The following UACA variants were observed in gnomAD, a reference collection of about 807,000 sequenced individuals.
UACA encodes uveal autoantigen with coiled-coil domains and ankyrin repeats, also known as nuclear membrane binding protein.
A neutral mutation model predicts 160.5 loss-of-function variants in UACA; 112 were observed. The ratio of observed to expected loss-of-function variants is 0.70; its 90% CI spans 0.60 to 0.82. UACA has a LOEUF of 0.82. Ranked by LOEUF, UACA falls within the 40% of genes least tolerant of loss-of-function variation. The pLI is 0.00. For missense variants in UACA, 1,574 were observed against 1,614.6 expected (o/e 0.97, Z 0.43); for synonymous variants, 557 against 568.4 (o/e 0.98, Z 0.29).
chr15:70,663,084 A>C (rs890150222), intron 17 of UACA, among the ~76,000 whole-genome samples: 28 of 152,338 alleles, frequency 1.8e-4, no homozygotes, highest in African/African-American at 6.3e-4. Context: ...CAACCTACAG[A>C]ATGGGAGAAC....
chr15:70,755,265 C>T (rs1047530162), intron 1 of UACA, among the ~76,000 whole-genome samples: 2 of 151,986 alleles, frequency 1.3e-5, no homozygotes, highest in South Asian at 2.1e-4. Flanking sequence ...AACTTATAAA[C>T]TCACTAATAG....
intron 1 of UACA, among the ~76,000 whole-genome samples, chr15:70,722,097 T>G (rs1183624291): frequency 1.3e-5 from 2 of 152,194 alleles, no homozygotes; most frequent in African/African-American, 4.8e-5. Flanking sequence ...GAAAAATATT[T>G]CCCAGGCAAA....
intron 1 of UACA, among the ~76,000 whole-genome samples, chr15:70,762,823 C>G (rs887137102): frequency 6.6e-6 from 1 of 152,246 alleles, no homozygotes; most frequent in Non-Finnish European, 1.5e-5. Context: ...GGGCTTGACG[C>G]TGTCTCAGAC....
intron 3 of UACA, among the ~76,000 whole-genome samples, chr15:70,692,541 C>T (rs936315762): frequency 5.3e-5 from 8 of 152,122 alleles, no homozygotes; most frequent in African/African-American, 1.9e-4. Context: ...GAGGCCTAGG[C>T]AGGTGTATTG....
chr15:70,685,819 G>A (rs980447132), intron 7 of UACA, among the ~76,000 whole-genome samples: 1 of 151,568 alleles, frequency 6.6e-6, no homozygotes, highest in African/African-American at 2.4e-5. Context: ...GTCTCGCTCT[G>A]TTGCCAGCGC....
chr15:70,702,421 C>G, intron 1 of UACA: 1 of 588,410 alleles, frequency 1.7e-6, no homozygotes, highest in Non-Finnish European at 2.1e-6. Flanking sequence ...AAAGGAGCAG[C>G]TAAGAATATA....
chr15:70,665,063 G>A (rs1896856081), intron 16 of UACA: 3 of 303,018 alleles, frequency 9.9e-6, no homozygotes, highest in South Asian at 1.4e-4. Flanking sequence ...ATCCTAAGAT[G>A]TGAGTATAAA....
In UACA at chr15:70,705,598, C is replaced by G. The variant is rs1047629547; in HGVS notation, c.79-5938G>C. Among the ~76,000 whole-genome samples, 87 of 152,030 alleles carry G rather than the reference C, an allele frequency of 5.7e-4. 1 individual carries two copies. Among genetic ancestry groups the G allele is most frequent in the African/African-American group, 2.1e-3 (87 of 41,486 alleles). On this transcript the variant is annotated intron_variant, in intron 1 of 18. Coordinates refer to ENST00000322954, the MANE Select transcript of UACA (RefSeq NM_018003.4). The stretch of plus-strand genomic sequence containing the variant: ...CCAAACCTCTAGAAGTAACAATTTA[C>G]AAGAAATACAGGGGACAGAGAAATA...
intron 1 of UACA, among the ~76,000 whole-genome samples, chr15:70,747,131 C>A (rs1434022052): frequency 2.0e-5 from 3 of 150,354 alleles, no homozygotes; most frequent in Admixed American, 6.6e-5. Flanking sequence ...GTATAATTTT[C>A]AAAAAAAATG....
intron 1 of UACA, among the ~76,000 whole-genome samples, chr15:70,712,297 CT>C (rs1898707352): frequency 6.6e-6 from 1 of 151,908 alleles, no homozygotes; most frequent in Non-Finnish European, 1.5e-5. Context: ...CTGATTTTAC[CT>C]CCCCATCTTA....
At chr15:70,712,379 G>C (rs186638031) in intron 1 of UACA, among the ~76,000 whole-genome samples, 2 of 152,148 alleles carry the variant, frequency 1.3e-5, no homozygotes, top group South Asian at 2.1e-4. Flanking sequence ...TCCCTCACCA[G>C]GATGGCTGCA....
chr15:70,686,114 C>T (rs1395283039), intron 7 of UACA, among the ~76,000 whole-genome samples: 1 of 151,696 alleles, frequency 6.6e-6, no homozygotes, highest in South Asian at 2.1e-4. Flanking sequence ...TATTAAAAAG[C>T]CACTTCTTAA....
Position 70,763,373 on chromosome 15 carries a change from T to G in UACA, c.35A>C (p.Asp12Ala). Residue 12 changes from aspartate (D) to alanine (A), a missense_variant, in exon 1 of 19, where the codon GAC becomes GCC. By Grantham distance (126) the Asp-to-Ala change is moderately radical. Transcript: ENST00000322954. ...GCCAGACGACGCGGGGCCGGGCACG[T>G]CCTGCCTCCTCAGGCGGGACTTGAG... is the stretch of plus-strand genomic sequence containing the variant. ...KSLKSRLRRQ[D>A]VPGPASSGAA... 1.5e-6 allele frequency: 2 copies of G among 1,334,282 alleles called. No individual in the cohort carries two copies. Among genetic ancestry groups the G allele is most frequent in the Non-Finnish European group, 1.9e-6 (2 of 1,036,714 alleles). 82.7% of individuals were successfully genotyped at this position (1,334,282 alleles called of 1,614,324 possible).
rs1897063772 is a variant in UACA at position 70,669,484 on chromosome 15, C to G, written c.1222-22G>C. ...TACACTGAAAAGAAAAAAAAAAAGA[C>G]ATCAATCACAAAAGCCTAAATGAGA... On this transcript the variant is annotated intron_variant, in intron 15 of 18. Coordinates refer to ENST00000322954, the MANE Select transcript of UACA (RefSeq NM_018003.4). 29 of 1,488,058 alleles carry G rather than the reference C, an allele frequency of 1.9e-5. No homozygotes were observed. In the East Asian group the frequency reaches 6.7e-4, roughly 34 times the overall value. 92.2% of individuals were successfully genotyped at this position (1,488,058 alleles called of 1,614,324 possible).
chr15:70,746,232 C>T (rs1899703591), intron 1 of UACA, among the ~76,000 whole-genome samples: 1 of 152,058 alleles, frequency 6.6e-6, no homozygotes, highest in African/African-American at 2.4e-5. Context: ...TGCAATCTAT[C>T]CATCTGACAA....
At chr15:70,729,065 G>C (rs1031240562) in intron 1 of UACA, among the ~76,000 whole-genome samples, 3 of 152,168 alleles carry the variant, frequency 2.0e-5, no homozygotes, top group Non-Finnish European at 4.4e-5. Context: ...TGGAGAAAAG[G>C]TAATTCATAT....
chr15:70,768,085 A>G (rs1347952216), upstream of UACA: 1 of 152,264 alleles, frequency 6.6e-6, no homozygotes, highest in African/African-American at 2.4e-5. Flanking sequence ...GAGAAGAAGA[A>G]AAAGGGAAAG....
In UACA at chr15:70,669,117, G is replaced by C. The variant is rs1897047074; in HGVS notation, c.1567C>G (p.Leu523Val). ...VKQMQTHFLA[L>V]KEHLTSEAAS... is the part of the protein sequence containing the mutation. ...GCTTCACTTGTTAAGTGTTCTTTAAGGGCAAGAAAATGGGTCTGCATTTGT... is the reference window on the plus strand; with the variant it reads ...GCTTCACTTGTTAAGTGTTCTTTAACGGCAAGAAAATGGGTCTGCATTTGT... The change falls in exon 16 of 19, where the codon CTT becomes GTT. Residue 523 changes from leucine to valine, a missense_variant. By Grantham distance (32) the Leu-to-Val change is conservative. Transcript: ENST00000322954. The C allele has an allele frequency of 1.2e-6, 2 of 1,614,040 alleles. No individual in the cohort carries two copies. The highest frequency in any genetic ancestry group is 4.5e-5 in the East Asian group (2 of 44,878).
intron 5 of UACA, among the ~76,000 whole-genome samples, chr15:70,690,009 T>C (rs958415452): frequency 7.9e-5 from 12 of 152,304 alleles, no homozygotes; most frequent in African/African-American, 1.7e-4. Context: ...ATTGCAGTAG[T>C]ATTATTAACT....
Sources: gnomAD v4.1 joint callset for allele counts (sites outside exome capture counted in the v4.1 genomes callset) on GRCh38, gnomAD v4.1.1 for gene constraint, MANE v1.5 for transcripts, NCBI Gene and HGNC (gene_info 2026-07-23, HGNC 2026-07-21) for gene names.